The following KCNN3 variants were observed in gnomAD, a reference collection of about 807,000 sequenced individuals.
The protein encoded by KCNN3 is small conductance calcium-activated potassium channel protein 3.
In KCNN3, 16 loss-of-function variants were observed where a neutral mutation model predicts 62.9. The ratio of observed to expected loss-of-function variants is 0.25; its 90% CI spans 0.17 to 0.39. The LOEUF (loss-of-function observed/expected upper bound fraction) is 0.39, where lower values mean the gene tolerates loss of function less well. KCNN3 is among the 10% of genes least tolerant of loss of function. The pLI is 1.00. For synonymous variants in KCNN3, 370 were observed against 389.2 expected, an observed-to-expected ratio of 0.95 and a Z score of 0.58; for missense variants, 599 against 949.4, an observed-to-expected ratio of 0.63 and a Z score of 4.85.
chr1:154,792,639 G>A (rs540398247), intron 2 of KCNN3, among the ~76,000 whole-genome samples: 1 of 152,198 alleles, frequency 6.6e-6, no homozygotes, highest in Non-Finnish European at 1.5e-5. Flanking sequence ...ATTTTGGTTA[G>A]AGAGATTGTC....
intron 3 of KCNN3, among the ~76,000 whole-genome samples, chr1:154,744,139 C>T (rs1196610487): frequency 6.6e-6 from 1 of 152,160 alleles, no homozygotes; most frequent in Non-Finnish European, 1.5e-5. Context: ...CTGACAACCC[C>T]TATTACAATA....
At chr1:154,740,291 T>G (rs1318818181) in intron 3 of KCNN3, among the ~76,000 whole-genome samples, 1 of 152,214 alleles carries the variant, frequency 6.6e-6, no homozygotes, top group Non-Finnish European at 1.5e-5. Flanking sequence ...TTATTGTTAT[T>G]GTATTTTTAG....
chr1:154,817,654 G>A (rs910108879), intron 2 of KCNN3, among the ~76,000 whole-genome samples: 11 of 152,210 alleles, frequency 7.2e-5, no homozygotes, highest in African/African-American at 2.7e-4. Context: ...CCTCAAGCCT[G>A]GGTCATAACT....
At chr1:154,735,100 A>G (rs1355848805) in intron 3 of KCNN3, among the ~76,000 whole-genome samples, 1 of 152,196 alleles carries the variant, frequency 6.6e-6, no homozygotes, top group African/African-American at 2.4e-5. Flanking sequence ...TCTTGAGCAC[A>G]GGAATGACAA....
chr1:154,832,565 C>G (rs74115892), intron 1 of KCNN3, among the ~76,000 whole-genome samples: 2,088 of 152,266 alleles, frequency 0.014, 42 homozygotes, highest in African/African-American at 0.049. Context: ...TGCCAAGGAT[C>G]TGGCCCCCAT....
At chr1:154,732,716 T>C (rs1372428718) in intron 4 of KCNN3, among the ~76,000 whole-genome samples, 2 of 152,148 alleles carry the variant, frequency 1.3e-5, no homozygotes, top group African/African-American at 4.8e-5. Flanking sequence ...CATCAGAGCA[T>C]TGGGCCAGGA....
chr1:154,861,984 T>C (rs1191206443), intron 1 of KCNN3, among the ~76,000 whole-genome samples: 1 of 152,148 alleles, frequency 6.6e-6, no homozygotes, highest in African/African-American at 2.4e-5. Context: ...CGGCACTCAC[T>C]GCCCATGACA....
At chr1:154,864,559 G>T (rs1433084806) in intron 1 of KCNN3, among the ~76,000 whole-genome samples, 1 of 152,272 alleles carries the variant, frequency 6.6e-6, no homozygotes, top group Non-Finnish European at 1.5e-5. Context: ...TGTTTAAAGA[G>T]TGAATGGCCA....
At chr1:154,819,758 G>A (rs1650815839) in intron 2 of KCNN3, among the ~76,000 whole-genome samples, 1 of 152,084 alleles carries the variant, frequency 6.6e-6, no homozygotes, top group African/African-American at 2.4e-5. Context: ...GCCAGAGCAG[G>A]AGGAAGCCCA....
chr1:154,822,556 G>A (rs1255978561), intron 1 of KCNN3, among the ~76,000 whole-genome samples: 1 of 152,226 alleles, frequency 6.6e-6, no homozygotes, highest in East Asian at 1.9e-4. Context: ...GTCATTCTTT[G>A]TTGTGCCGCT....
At chr1:154,822,629 C>T (rs1421590447) in intron 1 of KCNN3, among the ~76,000 whole-genome samples, 1 of 152,220 alleles carries the variant, frequency 6.6e-6, no homozygotes, top group Non-Finnish European at 1.5e-5. Flanking sequence ...TAAACCCAAA[C>T]CAGAGGATTT....
At chr1:154,803,747 C>T (rs761788920) in intron 2 of KCNN3, among the ~76,000 whole-genome samples, 37 of 152,176 alleles carry the variant, frequency 2.4e-4, no homozygotes, top group African/African-American at 4.3e-4. Context: ...TACAGTTGCC[C>T]GCCACACCGG....
In KCNN3 at chr1:154,822,102, G is replaced by A. The variant is rs760891294; in HGVS notation, c.1016C>T (p.Thr339Ile). The A allele has an allele frequency of 6.2e-7, 1 of 1,613,448 alleles. No individual in the cohort carries two copies. The highest frequency in any genetic ancestry group is 8.5e-7 in the Non-Finnish European group (1 of 1,179,300). The change falls in exon 2 of 8, where the codon ACA becomes ATA. Residue 339 changes from threonine to isoleucine, a missense_variant. Physicochemically the swap from Thr to Ile is moderately conservative, Grantham distance 89. Coordinates refer to ENST00000271915, the MANE Select transcript of KCNN3 (RefSeq NM_002249.6). ...GGGGGCACCTACCTGGACTTCACGTGTGTGGTAGGCGATGATCAAGCCCAA... is the reference window on the plus strand; with the variant it reads ...GGGGGCACCTACCTGGACTTCACGTATGTGGTAGGCGATGATCAAGCCCAA... Reference protein sequence around the residue: ...ILLGLIIAYHTREVQLFVIDN... With the variant: ...ILLGLIIAYHIREVQLFVIDN...
At chr1:154,838,072 G>A (rs34647098) in intron 1 of KCNN3, among the ~76,000 whole-genome samples, 30,333 of 152,170 alleles carry the variant, frequency 0.2, 3,538 homozygotes, top group Non-Finnish European at 0.26. Context: ...TGCTGACCAC[G>A]GTGGGACAGC....
intron 2 of KCNN3, among the ~76,000 whole-genome samples, chr1:154,797,076 C>T (rs1349985462): frequency 1.3e-5 from 2 of 152,176 alleles, no homozygotes; most frequent in Non-Finnish European, 2.9e-5. Flanking sequence ...CCCAATGAAG[C>T]CAGTCTCCGA....
At chr1:154,723,668 G>T (rs1187035461) in intron 5 of KCNN3, among the ~76,000 whole-genome samples, 1 of 152,084 alleles carries the variant, frequency 6.6e-6, no homozygotes, top group Admixed American at 6.6e-5. Flanking sequence ...AATATTCTTG[G>T]CTTAAAAAAG....
intron 3 of KCNN3, among the ~76,000 whole-genome samples, chr1:154,760,440 C>T (rs1025703574): frequency 6.6e-6 from 1 of 151,512 alleles, no homozygotes; most frequent in Non-Finnish European, 1.5e-5. Flanking sequence ...GGATCCCACT[C>T]GAGACAGGAG....
intron 1 of KCNN3, among the ~76,000 whole-genome samples, chr1:154,855,590 C>T (rs1652488544): frequency 6.6e-6 from 1 of 152,214 alleles, no homozygotes; most frequent in Admixed American, 6.5e-5. Context: ...CATACAGCCT[C>T]GTGTGCAGAA....
chr1:154,787,015 G>C (rs1007902641), intron 2 of KCNN3, among the ~76,000 whole-genome samples: 2 of 152,162 alleles, frequency 1.3e-5, no homozygotes, highest in African/African-American at 4.8e-5. Context: ...AGCCCTGCTA[G>C]AAGTGTTCAT....
Sources: gnomAD v4.1 joint callset for allele counts (sites outside exome capture counted in the v4.1 genomes callset) on GRCh38, gnomAD v4.1.1 for gene constraint, MANE v1.5 for transcripts, NCBI Gene and HGNC (gene_info 2026-07-23, HGNC 2026-07-21) for gene names.